USP48: variants seen among roughly 807,000 people sequenced by gnomAD.
USP48 encodes ubiquitin specific peptidase 48.
Under a neutral mutation model 150.7 loss-of-function variants are expected in USP48, and 43 were observed. That is an observed-to-expected ratio of 0.29 (90% CI 0.22 to 0.37). The LOEUF (loss-of-function observed/expected upper bound fraction) is 0.37. USP48 is among the 10% of genes least tolerant of loss of function. USP48 has a pLI of 1.00. For synonymous variants in USP48, 396 were observed against 425.9 expected, an observed-to-expected ratio of 0.93 and a Z score of 0.86; for missense variants, 813 against 1,249.6, an observed-to-expected ratio of 0.65 and a Z score of 5.27.
At chr1:21,753,989 C>T (rs981236263) in intron 3 of USP48, among the ~76,000 whole-genome samples, 2 of 151,732 alleles carry the variant, frequency 1.3e-5, no homozygotes, top group African/African-American at 2.4e-5. Flanking sequence ...GGCGAAACCC[C>T]GTCTCTATTA....
chr1:21,705,693 AG>A (rs2097670255), intron 19 of USP48, 33 bp downstream of exon 19: 2 of 1,463,118 alleles, frequency 1.4e-6, no homozygotes, highest in African/African-American at 1.4e-5. Context: ...AGAGAAAAGA[AG>A]AAAAAAAAAT....
chr1:21,679,470 T>C (rs368579224), intron 26 of USP48, 31 bp from the exon 27 acceptor site: 1 of 1,613,582 alleles, frequency 6.2e-7, no homozygotes, highest in Admixed American at 1.7e-5. Context: ...GGAGGGATAG[T>C]TGTGAACTAC....
chr1:21,680,785 A>G (rs2097563604), intron 26 of USP48, 23 bp downstream of exon 26: 2 of 1,581,194 alleles, frequency 1.3e-6, no homozygotes, highest in Non-Finnish European at 1.7e-6. Flanking sequence ...ATTCATGAAC[A>G]AAACATGACA....
chr1:21,699,016 T>C (rs1478933886), intron 22 of USP48, among the ~76,000 whole-genome samples: 1 of 152,200 alleles, frequency 6.6e-6, no homozygotes, highest in African/African-American at 2.4e-5. Flanking sequence ...TCGGGATGGA[T>C]ATGTACACCC....
At position 21,706,518 on chromosome 1, in the gene USP48, GA is replaced by G; in HGVS notation, c.2159del (p.Leu720ProfsTer31). On this transcript the variant is annotated frameshift_variant, in exon 17 of 27. Coordinates refer to ENST00000308271, the MANE Select transcript of USP48 (RefSeq NM_032236.8). LOFTEE classifies it high-confidence loss of function. ...KMIANEQKTS[L>X]PNLFQDKNRP... ...TGTTTTTATCCTGGAACAAATTTGG[GA>G]GAGAAGTCTTTTGCTCGTTTGCAAT... The G allele has an allele frequency of 6.2e-7, 1 of 1,614,122 alleles. No homozygotes were observed. Among genetic ancestry groups the G allele is most frequent in the South Asian group, 1.1e-5 (1 of 91,082 alleles).
chr1:21,704,815 T>G (rs1262425773), intron 19 of USP48, among the ~76,000 whole-genome samples: 1 of 152,012 alleles, frequency 6.6e-6, no homozygotes, highest in Admixed American at 6.6e-5. Flanking sequence ...GAAAGAGAAG[T>G]AGCAACAGAA....
chr1:21,767,614 C>T (rs993182937), intron 1 of USP48, among the ~76,000 whole-genome samples: 18 of 150,248 alleles, frequency 1.2e-4, no homozygotes, highest in East Asian at 3.9e-4. Context: ...TGAGCCACCG[C>T]GACCCGGCCA....
intron 1 of USP48, among the ~76,000 whole-genome samples, chr1:21,766,138 C>T (rs1156825923): frequency 2.0e-5 from 3 of 152,024 alleles, no homozygotes; most frequent in Non-Finnish European, 2.9e-5. Context: ...AAGGCCGAGG[C>T]GGGAGGATCA....
chr1:21,748,537 C>T (rs1049826501), intron 6 of USP48, among the ~76,000 whole-genome samples: 3 of 152,194 alleles, frequency 2.0e-5, no homozygotes, highest in South Asian at 4.1e-4. Context: ...GTTCTTTGTC[C>T]TGGTAATCCC....
chr1:21,713,275 T>C (rs1246454378), intron 15 of USP48, among the ~76,000 whole-genome samples: 1 of 152,030 alleles, frequency 6.6e-6, no homozygotes, highest in African/African-American at 2.4e-5. Context: ...CCCTGGCTAA[T>C]TTCTTGATCT....
At chr1:21,764,708 T>C (rs2097857753) in intron 1 of USP48, among the ~76,000 whole-genome samples, 1 of 63,432 alleles carries the variant, frequency 1.6e-5, no homozygotes, top group Admixed American at 1.8e-4. Context: ...TGGCACTCCG[T>C]CTCAAAAAAA....
At chr1:21,755,421 G>C (rs1557578599) in intron 3 of USP48, among the ~76,000 whole-genome samples, 1 of 152,022 alleles carries the variant, frequency 6.6e-6, no homozygotes, top group Non-Finnish European at 1.5e-5. Flanking sequence ...ATTAGCAAGA[G>C]GTGGTGGTGC....
intron 21 of USP48, among the ~76,000 whole-genome samples, chr1:21,702,228 C>T (rs901480361): frequency 2.6e-5 from 4 of 152,036 alleles, no homozygotes; most frequent in African/African-American, 9.7e-5. Flanking sequence ...TAAAGCAGAA[C>T]CCTTGGCCTC....
intron 15 of USP48, among the ~76,000 whole-genome samples, chr1:21,712,690 G>C (rs2097693463): frequency 6.7e-6 from 1 of 149,092 alleles, no homozygotes; most frequent in Admixed American, 6.7e-5. Context: ...ATGCAGGGGT[G>C]CCATCTTGGC....
At chr1:21,690,298 G>T (rs1046841991) in intron 23 of USP48, among the ~76,000 whole-genome samples, 199 bp from the exon 24 acceptor site, 3 of 151,960 alleles carry the variant, frequency 2.0e-5, no homozygotes, top group Admixed American at 1.3e-4. Flanking sequence ...TCCTTAAGAG[G>T]TCTGGTAGAG....
intron 18 of USP48, 117 bp downstream of exon 18, chr1:21,706,004 GTATGC>G: frequency 8.5e-7 from 1 of 1,171,362 alleles, no homozygotes; most frequent in Non-Finnish European, 1.2e-6. Flanking sequence ...AGCTTTCAGT[GTATGC>G]TGGTGAAAGT....
intron 8 of USP48, among the ~76,000 whole-genome samples, chr1:21,739,998 A>G (rs1382735960): frequency 2.6e-5 from 4 of 152,106 alleles, no homozygotes; most frequent in African/African-American, 7.2e-5. Context: ...TGCAACCTCC[A>G]CCTCCCAGGT....
intron 22 of USP48, among the ~76,000 whole-genome samples, chr1:21,699,601 C>T (rs1257018006): frequency 6.6e-6 from 1 of 151,510 alleles, no homozygotes; most frequent in Non-Finnish European, 1.5e-5. Flanking sequence ...GCAAGTTCTG[C>T]CTCCTGGGTT....
chr1:21,723,605 G>A (rs745963463), intron 12 of USP48, among the ~76,000 whole-genome samples: 1 of 151,754 alleles, frequency 6.6e-6, no homozygotes, highest in Non-Finnish European at 1.5e-5. Flanking sequence ...GTATTACACA[G>A]AGTAACAAAC....
Sources: gnomAD v4.1 joint callset for allele counts (sites outside exome capture counted in the v4.1 genomes callset) on GRCh38, gnomAD v4.1.1 for gene constraint, MANE v1.5 for transcripts, NCBI Gene and HGNC (gene_info 2026-07-23, HGNC 2026-07-21) for gene names.